The following SOS1 variants were observed in gnomAD, a reference collection of about 807,000 sequenced individuals.
The protein encoded by SOS1 is son of sevenless homolog 1.
Under a neutral mutation model 157.6 loss-of-function variants are expected in SOS1, and 25 were observed. That is an observed-to-expected ratio of 0.16 (90% CI 0.12 to 0.22). The LOEUF (loss-of-function observed/expected upper bound fraction) is 0.22, where lower values mean the gene tolerates loss of function less well. SOS1 is among the 10% of genes least tolerant of loss of function. The probability of loss-of-function intolerance (pLI) is 1.00; values close to 1 mark genes in which losing one functional copy is unlikely to be tolerated. For synonymous variants in SOS1, 528 were observed against 534.0 expected (o/e 0.99, Z 0.16); for missense variants, 1,237 against 1,599.1 (o/e 0.77, Z 3.86).
chr2:39,022,507 G>T, intron 10 of SOS1, 63 bp downstream of exon 10: 1 of 1,302,294 alleles, frequency 7.7e-7, no homozygotes, highest in Non-Finnish European at 1.1e-6. Context: ...ATAAACCCAT[G>T]CAGGAAAGAA....
In SOS1 at chr2:38,984,540, C is replaced by G. The variant is rs1668495818; in HGVS notation, c.*1284G>C. 1 of 152,142 alleles carries G rather than the reference C, an allele frequency of 6.6e-6. No individual in the cohort carries two copies. The highest frequency in any genetic ancestry group is 1.5e-5 in the Non-Finnish European group (1 of 68,020). 9.4% of individuals were successfully genotyped at this position (152,142 alleles called of 1,614,324 possible). On this transcript the variant is annotated 3_prime_UTR_variant, in exon 23 of 23. Transcript: ENST00000402219. ...TTAAAAGATACCCATCCTATTCTAA[C>G]CAAGTATCTTCCTATATGCCAAGCT...
chr2:39,028,452 C>T (rs1449081969), intron 8 of SOS1, among the ~76,000 whole-genome samples: 1 of 152,138 alleles, frequency 6.6e-6, no homozygotes, highest in Admixed American at 6.5e-5. Flanking sequence ...CATATAATGG[C>T]TTCCCTTTGA....
At chr2:39,072,490 A>C (rs1158661527) in intron 1 of SOS1, among the ~76,000 whole-genome samples, 1 of 152,242 alleles carries the variant, frequency 6.6e-6, no homozygotes. Flanking sequence ...ACACAAAAGC[A>C]GTTAGAACTA....
chr2:39,055,167 C>T (rs1671167330), intron 4 of SOS1, among the ~76,000 whole-genome samples: 1 of 152,120 alleles, frequency 6.6e-6, no homozygotes, highest in Admixed American at 6.6e-5. Context: ...CACTTTATTC[C>T]ATGGCCTCAG....
intron 1 of SOS1, among the ~76,000 whole-genome samples, chr2:39,087,793 C>T (rs894381774): frequency 2.6e-5 from 4 of 152,140 alleles, no homozygotes; most frequent in Admixed American, 6.5e-5. Context: ...GTCCTCCCAC[C>T]TCGGCCTCTA....
intron 1 of SOS1, among the ~76,000 whole-genome samples, chr2:39,089,566 C>A: frequency 6.6e-6 from 1 of 150,384 alleles, no homozygotes; most frequent in African/African-American, 2.4e-5. Context: ...GAAAAGAAGC[C>A]AACCTAAAAA....
At chr2:39,018,244 C>T (rs1669690071) in intron 10 of SOS1, among the ~76,000 whole-genome samples, 1 of 151,604 alleles carries the variant, frequency 6.6e-6, no homozygotes, top group Non-Finnish European at 1.5e-5. Context: ...GAGATAATTC[C>T]ACAAAATTCT....
chr2:39,113,551 A>G (rs553104570), intron 1 of SOS1, among the ~76,000 whole-genome samples: 58 of 152,110 alleles, frequency 3.8e-4, no homozygotes, highest in African/African-American at 1.4e-3. Context: ...AAATAAATAA[A>G]ATAATTTTAA....
chr2:39,083,940 A>G (rs1047123890), intron 1 of SOS1, among the ~76,000 whole-genome samples: 1 of 152,216 alleles, frequency 6.6e-6, no homozygotes. Flanking sequence ...TAAAGTCTTT[A>G]AAGAGGTAAT....
intron 10 of SOS1, among the ~76,000 whole-genome samples, chr2:39,017,731 T>TG (rs1332879676): frequency 1.3e-5 from 2 of 152,012 alleles, no homozygotes; most frequent in African/African-American, 4.8e-5. Flanking sequence ...TCTAAAGCAA[T>TG]GAAAAATTGC....
Position 39,108,280 on chromosome 2 carries a change from C to G in SOS1, c.87+12056G>C, listed in dbSNP as rs1335964439. On this transcript the variant is annotated intron_variant, in intron 1 of 22. Transcript: ENST00000402219. ...TCAACTGGCTTTCCTGCCTACAGTT[C>G]AGTTCCCATTTAATCCATGCTCCAT... Among the ~76,000 whole-genome samples, 6 of 152,320 alleles carry G rather than the reference C, an allele frequency of 3.9e-5. No homozygotes were observed. The East Asian group carries it at 9.6e-4, about 24-fold the overall frequency.
chr2:39,051,998 TACC>T (rs1343257744), intron 5 of SOS1, among the ~76,000 whole-genome samples: 6 of 152,196 alleles, frequency 3.9e-5, no homozygotes, highest in Non-Finnish European at 7.3e-5. Flanking sequence ...AACATTTCAT[TACC>T]ACAAGAAGAA....
chr2:39,014,055 C>A, intron 11 of SOS1, 66 bp from the exon 12 acceptor site: 2 of 1,239,470 alleles, frequency 1.6e-6, no homozygotes, highest in Non-Finnish European at 2.3e-6. Context: ...TAGAAAACCA[C>A]AAACGTTTTC....
chr2:39,042,650 G>A (rs1488459846), intron 6 of SOS1, among the ~76,000 whole-genome samples: 3 of 151,284 alleles, frequency 2.0e-5, no homozygotes, highest in South Asian at 2.1e-4. Flanking sequence ...TGATCCGCCC[G>A]CCTCAGCCTC....
At chr2:39,062,291 G>A (rs1671432278) in intron 2 of SOS1, among the ~76,000 whole-genome samples, 2 of 151,628 alleles carry the variant, frequency 1.3e-5, no homozygotes, top group South Asian at 4.2e-4. Context: ...GGTGGTGCTC[G>A]CTTGTAGTCC....
At chr2:38,999,934 G>A (rs947024445) in intron 17 of SOS1, among the ~76,000 whole-genome samples, 1 of 152,182 alleles carries the variant, frequency 6.6e-6, no homozygotes, top group African/African-American at 2.4e-5. Flanking sequence ...GAAGCCAGGT[G>A]GGTTGGAAGG....
chr2:39,082,125 C>G (rs1201485469), intron 1 of SOS1, among the ~76,000 whole-genome samples: 1 of 152,174 alleles, frequency 6.6e-6, no homozygotes, highest in Non-Finnish European at 1.5e-5. Flanking sequence ...CCCTGTTGTG[C>G]TATCAAATAC....
chr2:39,068,982 A>G (rs1671686884), intron 1 of SOS1, among the ~76,000 whole-genome samples: 1 of 152,082 alleles, frequency 6.6e-6, no homozygotes, highest in South Asian at 2.1e-4. Context: ...AGCACACAGT[A>G]TGGCCTGTCC....
intron 2 of SOS1, among the ~76,000 whole-genome samples, chr2:39,060,824 T>C (rs1056333556): frequency 6.6e-6 from 1 of 151,400 alleles, no homozygotes; most frequent in African/African-American, 2.4e-5. Context: ...GTGAACAGTG[T>C]AGACATAAAA....
Sources: gnomAD v4.1 joint callset for allele counts (sites outside exome capture counted in the v4.1 genomes callset) on GRCh38, gnomAD v4.1.1 for gene constraint, MANE v1.5 for transcripts, NCBI Gene and HGNC (gene_info 2026-07-23, HGNC 2026-07-21) for gene names.